The following MAPKBP1 variants were observed in gnomAD, a reference collection of about 807,000 sequenced individuals.
MAPKBP1 encodes mitogen-activated protein kinase-binding protein 1.
In MAPKBP1, 71 loss-of-function variants were observed where a neutral mutation model predicts 170.5. The observed-to-expected ratio is 0.42, with a 90% CI of 0.34 to 0.51. The LOEUF is 0.51. Among genes scored for constraint, MAPKBP1 ranks in the 20% least tolerant of loss-of-function variants. The probability of loss-of-function intolerance (pLI) is 0.06; values close to 1 mark genes in which losing one functional copy is unlikely to be tolerated. For synonymous variants in MAPKBP1, 719 were observed against 757.9 expected (o/e 0.95, Z 0.84); for missense variants, 1,598 against 1,933.0 (o/e 0.83, Z 3.25).
At position 41,812,050 on chromosome 15, in the gene MAPKBP1, G is replaced by A. The variant is rs1029728740; in HGVS notation, c.421G>A (p.Ala141Thr). The change falls in exon 6 of 31, where the codon GCC becomes ACC. Residue 141 changes from alanine (A) to threonine (T), a missense_variant. By Grantham distance (58) the Ala-to-Thr change is moderately conservative. Coordinates refer to ENST00000457542, the MANE Select transcript of MAPKBP1 (RefSeq NM_014994.3). Reference sequence around the variant, plus strand: ...GCACAAGTATGGTGTGGCTTGTGTGGCCTTCTCTCCTAGCGCCAAGTACAT... The same window carrying A: ...GCACAAGTATGGTGTGGCTTGTGTGACCTTCTCTCCTAGCGCCAAGTACAT... Reference protein sequence around the residue: ...QEHKYGVACVAFSPSAKYIVS... With the variant: ...QEHKYGVACVTFSPSAKYIVS... 3 of 1,614,010 alleles carry A rather than the reference G, an allele frequency of 1.9e-6. No individual in the cohort carries two copies. The highest frequency in any genetic ancestry group is 2.7e-5 in the African/African-American group (2 of 74,906).
chr15:41,816,728 G>C (rs144394270), intron 13 of MAPKBP1, 78 bp downstream of exon 13: 1 of 1,470,966 alleles, frequency 6.8e-7, no homozygotes, highest in Non-Finnish European at 9.5e-7. Flanking sequence ...GCTCTTGGAC[G>C]TGGGGTCGGT....
chr15:41,795,309 A>G (rs978808613), intron 2 of MAPKBP1, among the ~76,000 whole-genome samples: 2 of 152,210 alleles, frequency 1.3e-5, no homozygotes, highest in African/African-American at 4.8e-5. Flanking sequence ...AGCTTTGTGC[A>G]TAGCTGAGAG....
rs1431546758 is a variant in MAPKBP1, at chr15:41,811,484, C to G, written c.327+249C>G. Reference sequence around the variant, plus strand: ...GATTCTGTAGGTCTGGGATGGGAGTCTGAAATGTGCATTTGTAACAAGTTC... The same window carrying G: ...GATTCTGTAGGTCTGGGATGGGAGTGTGAAATGTGCATTTGTAACAAGTTC... On this transcript the variant is annotated intron_variant, in intron 5 of 30. Coordinates refer to ENST00000457542, the MANE Select transcript of MAPKBP1 (RefSeq NM_014994.3). 7.2e-6 allele frequency: 5 copies of G among 689,786 alleles called. No individual in the cohort carries two copies. The East Asian group carries it at 1.4e-4, about 19-fold the overall frequency. The allele number at this position is 689,786 out of a possible 1,614,324, so 42.7% of individuals were successfully genotyped here.
At chr15:41,779,961 T>G (rs1167681864) in intron 2 of MAPKBP1, among the ~76,000 whole-genome samples, 1 of 152,234 alleles carries the variant, frequency 6.6e-6, no homozygotes. Context: ...TCATCCCTCC[T>G]TCCGGTGCCT....
In MAPKBP1 at chr15:41,827,114, G is replaced by A. The variant is rs1269109532; in HGVS notation, c.*1678G>A. 1.2e-5 allele frequency: 1 copy of A among 80,624 alleles called. No homozygotes were observed. Among genetic ancestry groups the A allele is most frequent in the African/African-American group, 6.4e-5 (1 of 15,640 alleles). The allele number at this position is 80,624 out of a possible 1,614,324, so 5.0% of individuals were successfully genotyped here. A position where few individuals can be genotyped will look rare whatever the true frequency, so the allele number is the denominator to read the frequency against. ...AGTTCGAGATCAGCCTGGCCAACAT[G>A]GTGAAACCCTGTCTACTAAAAATAA... On this transcript the variant is annotated 3_prime_UTR_variant, in exon 31 of 31. Transcript: ENST00000457542.
chr15:41,814,527 T>C (rs2064857482), intron 9 of MAPKBP1, 23 bp from the exon 10 acceptor site: 1 of 1,609,668 alleles, frequency 6.2e-7, no homozygotes, highest in East Asian at 2.2e-5. Context: ...GTCTGACCAG[T>C]GTGCCCTGTC....
Position 41,817,498 on chromosome 15 carries a change from C to CACGGGGG in MAPKBP1, c.1782+40_1782+41insACGGGGG. 1 of 681,822 alleles carries CACGGGGG rather than the reference C, an allele frequency of 1.5e-6. No homozygotes were observed. The highest frequency in any genetic ancestry group is 2.5e-6 in the Non-Finnish European group (1 of 395,872). 42.2% of individuals were successfully genotyped at this position (681,822 alleles called of 1,614,324 possible). ...CTTTCCTGAGAGGGGCGGGACAGGGCGGGGTCTGCCATTCCCTGCCTAAGG... is the reference window on the plus strand; with the variant it reads ...CTTTCCTGAGAGGGGCGGGACAGGGCACGGGGGGGGGTCTGCCATTCCCTGCCTAAGG... On this transcript the variant is annotated intron_variant, in intron 15 of 30. Coordinates refer to ENST00000457542, the MANE Select transcript of MAPKBP1 (RefSeq NM_014994.3). This position sits in a 1 kb window ranked among gnomAD's most constrained non-coding sequence, Gnocchi z 4.2.
rs1026994808 is a variant in MAPKBP1 at position 41,774,576 on chromosome 15, G to C, written c.-144G>C. Reference sequence around the variant, plus strand: ...ATTGCCGAACGCGATGCCCGAGGGCGCTGTGAGCGGGGTGGCCTTAGCTCG... The same window carrying C: ...ATTGCCGAACGCGATGCCCGAGGGCCCTGTGAGCGGGGTGGCCTTAGCTCG... On this transcript the variant is annotated 5_prime_UTR_variant, in exon 1 of 31. Coordinates refer to ENST00000457542, the MANE Select transcript of MAPKBP1 (RefSeq NM_014994.3). The C allele has an allele frequency of 5.0e-6, 2 of 398,596 alleles. No individual in the cohort carries two copies. Among genetic ancestry groups the C allele is most frequent in the African/African-American group, 2.1e-5 (1 of 48,654 alleles). 24.7% of individuals were successfully genotyped at this position (398,596 alleles called of 1,614,324 possible).
In MAPKBP1 at chr15:41,820,994, G is replaced by C. The variant is rs2064986894; in HGVS notation, c.2644G>C (p.Asp882His). ...LAPSLQDPSQ[D>H]SLAIIPSGPR... The stretch of plus-strand genomic sequence containing the variant: ...CCCAAGCCTGCAGGACCCTAGCCAG[G>C]ACTCGCTGGCCATCATCCCATCTGG... Residue 882 changes from aspartate (D) to histidine (H), a missense_variant, in exon 23 of 31, where the codon GAC becomes CAC. Asp to His is a moderately conservative substitution (Grantham distance 81, BLOSUM62 -1). This residue lies in a region of MAPKBP1 where 942 missense variants were observed against 953.2 expected (regional missense o/e 0.99). Coordinates refer to ENST00000457542, the MANE Select transcript of MAPKBP1 (RefSeq NM_014994.3). The C allele has an allele frequency of 6.2e-7, 1 of 1,614,188 alleles. No individual in the cohort carries two copies. The highest frequency in any genetic ancestry group is 8.5e-7 in the Non-Finnish European group (1 of 1,180,024).
rs780897785 is a variant in MAPKBP1, at chr15:41,817,390, A to G, written c.1714A>G (p.Ser572Gly). 1.3e-5 allele frequency: 21 copies of G among 1,581,548 alleles called. No homozygotes were observed. In the South Asian group the frequency reaches 2.3e-4, roughly 17 times the overall value. ...AGCTGGGCTTCCCTCCTTCATAGCC[A>G]GTGATGGGCAAGTCCGCATGATCAG... ...SSITAVKFAA[S>G]DGQVRMISCG... Residue 572 changes from serine to glycine, a missense_variant and splice_region_variant, in exon 15 of 31, where the codon AGT becomes GGT. Transcript: ENST00000457542. This position sits in a 1 kb window ranked among gnomAD's most constrained non-coding sequence, Gnocchi z 4.2.
At position 41,813,016 on chromosome 15, in the gene MAPKBP1, C is replaced by T. The variant is rs1253185973; in HGVS notation, c.734C>T (p.Ala245Val). 23 of 1,613,892 alleles carry T rather than the reference C, an allele frequency of 1.4e-5. No homozygotes were observed. The highest frequency in any genetic ancestry group is 1.7e-5 in the Non-Finnish European group (20 of 1,179,962). The change falls in exon 8 of 31, where the codon GCG becomes GTG. Residue 245 changes from alanine (A) to valine (V), a missense_variant. Physicochemically the swap from Ala to Val is moderately conservative, Grantham distance 64. Coordinates refer to ENST00000457542, the MANE Select transcript of MAPKBP1 (RefSeq NM_014994.3). ...GTGGCCTGTGGCAGAGGAAAAAAGG[C>T]GGACAGTACCTTCTGCATCACGTCC... is the stretch of plus-strand genomic sequence containing the variant. ...TDVACGRGKK[A>V]DSTFCITSSG...
intron 30 of MAPKBP1, 96 bp downstream of exon 30, chr15:41,824,665 T>G: frequency 8.2e-7 from 1 of 1,214,082 alleles, no homozygotes; most frequent in Non-Finnish European, 1.2e-6. Flanking sequence ...AAGCCTCTTG[T>G]GCTGACAGGA....
Position 41,821,573 on chromosome 15 carries a change from TG to T in MAPKBP1, c.2719-10del, listed in dbSNP as rs774695479. 1 of 1,609,126 alleles carries T rather than the reference TG, an allele frequency of 6.2e-7. No homozygotes were observed. The highest frequency in any genetic ancestry group is 1.1e-5 in the South Asian group (1 of 90,940). ...CCTCTGCTCTGTTAACATCCCTTTG[TG>T]TGTTCCCAGAATGAAAAGCCCCCTC... On this transcript the variant is annotated splice_polypyrimidine_tract_variant and intron_variant, in intron 23 of 30. Coordinates refer to ENST00000457542, the MANE Select transcript of MAPKBP1 (RefSeq NM_014994.3).
intron 2 of MAPKBP1, among the ~76,000 whole-genome samples, chr15:41,783,845 T>C (rs549344411): frequency 6.6e-6 from 1 of 152,172 alleles, no homozygotes; most frequent in African/African-American, 2.4e-5. Flanking sequence ...CCGTCTCTAC[T>C]AAAAACACAA....
chr15:41,816,664 C>T lies in MAPKBP1; in HGVS notation c.1585+14C>T, dbSNP rs748189281. The T allele has an allele frequency of 1.9e-6, 3 of 1,610,994 alleles. No homozygotes were observed. The highest frequency in any genetic ancestry group is 2.2e-5 in the South Asian group (2 of 90,980). On this transcript the variant is annotated intron_variant, in intron 13 of 30. Transcript: ENST00000457542. ...AGCCAGACACAGGTTAGGAGAATGC[C>T]CGGAATGGCACAGGGCTCCTCCAGT...
At chr15:41,808,489 T>G (rs1273680394) in intron 3 of MAPKBP1, among the ~76,000 whole-genome samples, 14 of 151,416 alleles carry the variant, frequency 9.2e-5, no homozygotes, top group Admixed American at 5.3e-4. Context: ...CTTTTTTTTT[T>G]TTTGAGACAG....
At chr15:41,816,370 T>C (rs1397629237) in intron 12 of MAPKBP1, 189 bp from the exon 13 acceptor site, 3 of 572,506 alleles carry the variant, frequency 5.2e-6, no homozygotes, top group Admixed American at 3.0e-5. Flanking sequence ...ACTATCGTTA[T>C]GTAAGATGTT....
chr15:41,785,368 A>G (rs2152068997), intron 2 of MAPKBP1, among the ~76,000 whole-genome samples: 1 of 152,268 alleles, frequency 6.6e-6, no homozygotes, highest in Non-Finnish European at 1.5e-5. Context: ...TTTGATACTA[A>G]CTTGTGTGTA....
chr15:41,779,954 T>G (rs574661476), intron 2 of MAPKBP1, among the ~76,000 whole-genome samples: 1 of 152,342 alleles, frequency 6.6e-6, no homozygotes, highest in South Asian at 2.1e-4. Context: ...CACCATTTCA[T>G]CCCTCCTTCC....
Sources: allele counts gnomAD v4.1 joint callset (sites outside exome capture counted in the v4.1 genomes callset), GRCh38; gene constraint gnomAD v4.1.1; regional missense constraint gnomAD v4.1.1; non-coding constraint Gnocchi (gnomAD v3.1); transcripts MANE v1.5; gene names NCBI Gene and HGNC (gene_info 2026-07-23, HGNC 2026-07-21).